HOMER3: variants seen among roughly 807,000 people sequenced by gnomAD.
HOMER3 encodes the protein homer protein homolog 3.
In HOMER3, 34 loss-of-function variants were observed where a neutral mutation model predicts 45.5. That is an observed-to-expected ratio of 0.75 (90% CI 0.57 to 1.00). HOMER3 has a LOEUF of 1.00. Ranked by LOEUF, HOMER3 falls within the 50% of genes least tolerant of loss-of-function variation. The pLI is 0.00. For synonymous variants in HOMER3, 223 were observed against 208.8 expected (o/e 1.07, Z -0.58); for missense variants, 480 against 497.5 (o/e 0.96, Z 0.33).
At chr19:18,934,999 G>A (rs971725502) in intron 4 of HOMER3, among the ~76,000 whole-genome samples, 2 of 151,614 alleles carry the variant, frequency 1.3e-5, no homozygotes, top group Non-Finnish European at 2.9e-5. Context: ...GCACCAGCAT[G>A]CCTGGCTAAT....
intron 5 of HOMER3, among the ~76,000 whole-genome samples, chr19:18,933,985 C>A (rs900750638): frequency 2.0e-5 from 3 of 152,128 alleles, no homozygotes; most frequent in African/African-American, 7.2e-5. Flanking sequence ...GGATTACAGG[C>A]GTGAGCCACC....
intron 9 of HOMER3, 146 bp from the exon 10 acceptor site, chr19:18,929,780 C>T (rs2057010478): frequency 3.4e-6 from 2 of 594,244 alleles, no homozygotes; most frequent in Non-Finnish European, 2.8e-6. Flanking sequence ...ATGCACACCC[C>T]ACAGGGGCCT....
chr19:18,931,464 G>A, intron 8 of HOMER3, 45 bp downstream of exon 8: 1 of 1,611,148 alleles, frequency 6.2e-7, no homozygotes, highest in South Asian at 1.1e-5. Flanking sequence ...CTTTCCCACA[G>A]GAGGTGAGGG....
At chr19:18,931,299 C>T in intron 9 of HOMER3, 26 bp downstream of exon 9, 1 of 1,599,012 alleles carries the variant, frequency 6.3e-7, no homozygotes, top group Non-Finnish European at 8.6e-7. Flanking sequence ...CCCACCGTCA[C>T]CCCACCTCCT....
Position 18,932,116 on chromosome 19 carries a change from G to A in HOMER3, c.550C>T (p.Gln184Ter). Residue 184 changes from glutamine (Q) to a stop codon, truncating the protein, a stop_gained, in exon 7 of 10, where the codon CAG (glutamine) becomes TAG (stop). Transcript: ENST00000392351. LOFTEE classifies it high-confidence loss of function. ...AGTGCGAAAAACTCGGCCTCCCACT[G>A]TACCTCGCCCACGGAGCTGCAGAGA... ...MLSEGSVGEV[Q>*]WEAEFFALQD... 2 of 1,566,016 alleles carry A rather than the reference G, an allele frequency of 1.3e-6. No homozygotes were observed. The highest frequency in any genetic ancestry group is 1.9e-5 in the Admixed American group (1 of 53,224).
chr19:18,940,354 C>T (rs992914755), intron 1 of HOMER3: 7 of 152,242 alleles, frequency 4.6e-5, no homozygotes, highest in Non-Finnish European at 1.0e-4. Flanking sequence ...CCGCCGGCCA[C>T]GGGGCTCCCG....
At chr19:18,932,890 C>G in intron 6 of HOMER3, 34 bp downstream of exon 6, 1 of 1,025,156 alleles carries the variant, frequency 9.8e-7, no homozygotes, top group Non-Finnish European at 1.3e-6. Context: ...CCCCTACCCC[C>G]GCCCCTGCCA....
At chr19:18,938,263 G>C in intron 4 of HOMER3, 90 bp downstream of exon 4, 5 of 1,421,546 alleles carry the variant, frequency 3.5e-6, no homozygotes, top group Non-Finnish European at 4.8e-6. Context: ...GGGAAGATAG[G>C]GGACCTGCCC....
intron 4 of HOMER3, among the ~76,000 whole-genome samples, chr19:18,938,081 A>G (rs2145133056): frequency 6.6e-6 from 1 of 151,938 alleles, no homozygotes; most frequent in Admixed American, 6.6e-5. Flanking sequence ...AGTCCCAGCT[A>G]CTCAGGAGGC....
At chr19:18,936,416 T>C (rs563850581) in intron 4 of HOMER3, among the ~76,000 whole-genome samples, 26 of 141,286 alleles carry the variant, frequency 1.8e-4, no homozygotes, top group Admixed American at 2.9e-4. Flanking sequence ...GCAGGCGGAT[T>C]ACCTGAAGTC....
chr19:18,932,281 T>C (rs2057043467), intron 6 of HOMER3, 149 bp from the exon 7 acceptor site: 1 of 640,156 alleles, frequency 1.6e-6, no homozygotes, highest in Non-Finnish European at 2.2e-6. Flanking sequence ...GTGCGCGAAG[T>C]TGGACTAGGG....
chr19:18,929,454 C>A lies in HOMER3; in HGVS notation c.1075G>T (p.Ala359Ser), dbSNP rs765119510. The A allele has an allele frequency of 1.9e-6, 3 of 1,596,032 alleles. No individual in the cohort carries two copies. The South Asian group carries it at 3.3e-5, about 18-fold the overall frequency. ...AAACCAGCCCCGGCTCAGGGCGCAGCCTCAGCCAGGCGGGCCAGGCCCTCA... is the reference window on the plus strand; with the variant it reads ...AAACCAGCCCCGGCTCAGGGCGCAGACTCAGCCAGGCGGGCCAGGCCCTCA... Reference protein sequence around the residue: ...LREGLARLAEAAP With the variant: ...LREGLARLAESAP The change falls in exon 10 of 10, where the codon GCT becomes TCT. Residue 359 changes from alanine (A) to serine (S), a missense_variant. Ala to Ser is a moderately conservative substitution (Grantham distance 99). Transcript: ENST00000392351.
At position 18,931,983 on chromosome 19, in the gene HOMER3, C is replaced by T. The variant is rs913538882; in HGVS notation, c.683G>A (p.Arg228Gln). 31 of 1,529,258 alleles carry T rather than the reference C, an allele frequency of 2.0e-5. No homozygotes were observed. The African/African-American group carries it at 2.1e-4, about 10-fold the overall frequency. The allele number at this position is 1,529,258 out of a possible 1,614,324, so 94.7% of individuals were successfully genotyped here. The change falls in exon 7 of 10, where the codon CGG becomes CAG. Residue 228 changes from arginine to glutamine, a missense_variant. Transcript: ENST00000392351. ...AGGGAGGGGTGCCCTCACCCGCTGC[C>T]GCAGCCGCTCGGCCTCTGCACGCTG... ...EAQRAEAERL[R>Q]QRVAELEAQA...
chr19:18,937,308 T>TAA lies in HOMER3; in HGVS notation c.303+1043_303+1044dup, dbSNP rs535744160. Among the ~76,000 whole-genome samples, 292 of 82,310 alleles carry TAA rather than the reference T, an allele frequency of 3.5e-3. 9 individuals are homozygous for TAA. The highest frequency in any genetic ancestry group is 0.014 in the Middle Eastern group (2 of 142). The allele number at this position is 82,310 out of a possible 152,430, so 54.0% of individuals were successfully genotyped here. A position where few individuals can be genotyped will look rare whatever the true frequency, so the allele number is the denominator to read the frequency against. ...CCTGGACAGCAGAGCAAGATCTTGT[T>TAA]AAAAAAAAAAAAAAAAAGAAGGGAG... is the stretch of plus-strand genomic sequence containing the variant. On this transcript the variant is annotated intron_variant, in intron 4 of 9. Transcript: ENST00000392351.
Position 18,932,939 on chromosome 19 carries a change from T to A in HOMER3, c.518A>T (p.Lys173Met), listed in dbSNP as rs747592023. The A allele has an allele frequency of 1.4e-5, 17 of 1,181,052 alleles. No homozygotes were observed. The highest frequency in any genetic ancestry group is 5.2e-5 in the South Asian group (3 of 57,744). 73.2% of individuals were successfully genotyped at this position (1,181,052 alleles called of 1,614,324 possible). Residue 173 changes from lysine (K) to methionine (M), a missense_variant, in exon 6 of 10, where the codon AAG becomes ATG. By Grantham distance (95) the Lys-to-Met change is moderately conservative (BLOSUM62 -1). Transcript: ENST00000392351. ...PGPTERERLK[K>M]MLSEGSVGEV... Reference sequence around the variant, plus strand: ...CGCCCCTCACCCCTCAGACAACATCTTCTTTAGCCGCTCGCGCTCTGTGGG... The same window carrying A: ...CGCCCCTCACCCCTCAGACAACATCATCTTTAGCCGCTCGCGCTCTGTGGG...
intron 9 of HOMER3, 41 bp from the exon 10 acceptor site, chr19:18,929,675 TCAC>T (rs1344232184): frequency 1.4e-6 from 2 of 1,446,946 alleles, no homozygotes; most frequent in African/African-American, 2.8e-5. Context: ...CCCCAACAAA[TCAC>T]CAGTCCTGCC....
Position 18,931,634 on chromosome 19 carries a change from C to T in HOMER3, c.691-9G>A. ...GCCTCCAGCTCAGCCACCTGTAGGG[C>T]AGGAATAGCAGCCCCTGACGCCCCC... On this transcript the variant is annotated splice_polypyrimidine_tract_variant and intron_variant, in intron 7 of 9. Coordinates refer to ENST00000392351, the MANE Select transcript of HOMER3 (RefSeq NM_004838.4). 2.5e-6 allele frequency: 4 copies of T among 1,589,804 alleles called. No individual in the cohort carries two copies. Among genetic ancestry groups the T allele is most frequent in the Non-Finnish European group, 3.4e-6 (4 of 1,168,464 alleles).
intron 8 of HOMER3, 42 bp downstream of exon 8, chr19:18,931,467 G>C: frequency 1.2e-6 from 2 of 1,611,246 alleles, no homozygotes; most frequent in African/African-American, 2.7e-5. Flanking sequence ...TCCCACAGGA[G>C]GTGAGGGAAG....
rs180681454 is a variant in HOMER3, at chr19:18,930,826, G to A, written c.894+499C>T. ...AGTTGAGACCAGCCTGGCCAACATG[G>A]TGAAACCCTGTCTCTACTAAAAATA... is the stretch of plus-strand genomic sequence containing the variant. On this transcript the variant is annotated intron_variant, in intron 9 of 9. Transcript: ENST00000392351. 3.9e-5 allele frequency among the ~76,000 whole-genome samples: 6 copies of A among 152,230 alleles called. No homozygotes were observed. In the East Asian group the frequency reaches 9.7e-4, roughly 25 times the overall value.
Sources: allele counts gnomAD v4.1 joint callset (sites outside exome capture counted in the v4.1 genomes callset), GRCh38; gene constraint gnomAD v4.1.1; transcripts MANE v1.5; gene names NCBI Gene and HGNC (gene_info 2026-07-23, HGNC 2026-07-21).